Variants in RPL34 observed in about 807,000 individuals in gnomAD.
The protein encoded by RPL34 is ribosomal protein L34.
Under a neutral mutation model 16.3 loss-of-function variants are expected in RPL34, and 2 were observed. That is an observed-to-expected ratio of 0.12 (90% CI 0.05 to 0.39). The LOEUF is 0.39. RPL34 is among the 10% of genes least tolerant of loss of function. The probability of loss-of-function intolerance (pLI) is 0.99; values close to 1 mark genes in which losing one functional copy is unlikely to be tolerated. For missense variants in RPL34, 82 were observed against 148.8 expected, an observed-to-expected ratio of 0.55 and a Z score of 2.33; for synonymous variants, 47 against 48.5, an observed-to-expected ratio of 0.97 and a Z score of 0.13.
chr4:108,626,447 C>CTTTTT (rs34343318), downstream of RPL34, among the ~76,000 whole-genome samples: 9 of 117,070 alleles, frequency 7.7e-5, no homozygotes, highest in East Asian at 2.7e-4. Context: ...GGCTGACAAC[C>CTTTTT]TTTTTTTTTT....
chr4:108,626,716 G>A (rs1726014675), downstream of RPL34, among the ~76,000 whole-genome samples: 1 of 152,076 alleles, frequency 6.6e-6, no homozygotes, highest in African/African-American at 2.4e-5. Context: ...TGAGATTACA[G>A]GCGTGAGCCC....
chr4:108,622,463 A>G, intron 3 of RPL34, 52 bp from the exon 4 acceptor site: 2 of 1,377,866 alleles, frequency 1.5e-6, no homozygotes, highest in Admixed American at 1.7e-5. Flanking sequence ...AACAAAATTT[A>G]GGGAAATTTC....
intron 1 of RPL34, 186 bp from the exon 2 acceptor site, chr4:108,621,762 ATTC>A: frequency 3.7e-6 from 2 of 533,716 alleles, no homozygotes; most frequent in South Asian, 4.3e-5. Flanking sequence ...GAAAGCTAAC[ATTC>A]TTGGCCTCTT....
In RPL34 at chr4:108,622,135, C is replaced by T; in HGVS notation, c.96C>T (p.Tyr32=). 1.2e-6 allele frequency: 2 copies of T among 1,613,912 alleles called. No individual in the cohort carries two copies. The highest frequency in any genetic ancestry group is 1.6e-4 in the Middle Eastern group (1 of 6,062). The part of the protein sequence containing the change: ...LSRTPGNRIV[Y]LYTKKVGKAP... ...GAACCCCTGGTAATAGAATTGTTTA[C>T]CTTTATACCAAGAAGGTTGGGAAAG... is the stretch of plus-strand genomic sequence containing the variant. Residue 32 remains tyrosine, a synonymous_variant, in exon 3 of 5, where the codon TAC becomes TAT. Coordinates refer to ENST00000394667, the MANE Select transcript of RPL34 (RefSeq NM_001319236.2).
At chr4:108,623,658 G>T (rs1356385925) in intron 4 of RPL34, among the ~76,000 whole-genome samples, 1 of 152,068 alleles carries the variant, frequency 6.6e-6, no homozygotes, top group African/African-American at 2.4e-5. Flanking sequence ...TGTCAGCCTC[G>T]ACCTCCCAAA....
At chr4:108,630,448 G>C (rs541121617), downstream of RPL34, 1 of 152,132 alleles carries the variant, frequency 6.6e-6, no homozygotes, top group African/African-American at 2.4e-5. Context: ...CTGTATGAAT[G>C]GAAGGGAAAA....
chr4:108,624,921 A>G (rs935567778), intron 4 of RPL34, among the ~76,000 whole-genome samples: 6 of 152,178 alleles, frequency 3.9e-5, no homozygotes, highest in Admixed American at 1.3e-4. Context: ...CAGAAGGAGG[A>G]CAGATAACTA....
chr4:108,629,180 T>G (rs996952362), downstream of RPL34, among the ~76,000 whole-genome samples: 1 of 152,192 alleles, frequency 6.6e-6, no homozygotes, highest in African/African-American at 2.4e-5. Context: ...ATGAATAAAA[T>G]AGACATTTTA....
chr4:108,624,831 A>G (rs543378634), intron 4 of RPL34, among the ~76,000 whole-genome samples: 1 of 152,304 alleles, frequency 6.6e-6, no homozygotes, highest in East Asian at 1.9e-4. Flanking sequence ...AAGAAATACC[A>G]CTATTCCTGG....
At position 108,622,022 on chromosome 4, in the gene RPL34, G is replaced by A; in HGVS notation, c.63G>A (p.Arg21=). The A allele has an allele frequency of 6.2e-7, 1 of 1,611,980 alleles. No homozygotes were observed. Among genetic ancestry groups the A allele is most frequent in the African/African-American group, 1.3e-5 (1 of 74,972 alleles). Residue 21 remains arginine (R), a splice_region_variant and synonymous_variant, in exon 2 of 5, where the codon AGG becomes AGA. Transcript: ENST00000394667. ...LSYNTASNKT[R]LSRTPGNRIV... ...ACAATACAGCCTCTAACAAAACTAG[G>A]CTGTAAGTATTTCTGAAAATTTTAA...
At chr4:108,625,801 C>T (rs1048163129), downstream of RPL34, among the ~76,000 whole-genome samples, 3 of 152,148 alleles carry the variant, frequency 2.0e-5, no homozygotes, top group African/African-American at 4.8e-5. Context: ...GCTGAGACTT[C>T]AGGGTGGTTT....
At chr4:108,622,066 TC>T (rs774656470) in intron 2 of RPL34, 38 bp from the exon 3 acceptor site, 23 of 1,594,556 alleles carry the variant, frequency 1.4e-5, no homozygotes, top group Non-Finnish European at 2.0e-5. Context: ...TGTCATTTAC[TC>T]TACAAAATGC....
downstream of RPL34, among the ~76,000 whole-genome samples, chr4:108,629,545 G>A (rs1238591704): frequency 6.6e-6 from 1 of 151,960 alleles, no homozygotes; most frequent in African/African-American, 2.4e-5. Flanking sequence ...AACTCTTCTG[G>A]GTTTTGATTT....
chr4:108,630,139 A>C (rs1726127670), downstream of RPL34: 1 of 152,114 alleles, frequency 6.6e-6, no homozygotes, highest in African/African-American at 2.4e-5. Flanking sequence ...TGAGATTGTT[A>C]TGGTGAGAGT....
At chr4:108,628,390 G>A (rs1726082416), downstream of RPL34, among the ~76,000 whole-genome samples, 1 of 152,082 alleles carries the variant, frequency 6.6e-6, no homozygotes, top group Non-Finnish European at 1.5e-5. Flanking sequence ...CTAAAAATTG[G>A]CACTTTTAAT....
At position 108,622,604 on chromosome 4, in the gene RPL34, A is replaced by G. The variant is rs1247579371; in HGVS notation, c.255A>G (p.Lys85=). ...SRAYGGSMCA[K]CVRDRIKRAF... The stretch of plus-strand genomic sequence containing the variant: ...CCTATGGTGGTTCCATGTGTGCTAA[A>G]TGTGTTCGTGACAGGTAAGTTAAAT... The change falls in exon 4 of 5, where the codon AAA becomes AAG. Residue 85 remains lysine (K), a synonymous_variant. Coordinates refer to ENST00000394667, the MANE Select transcript of RPL34 (RefSeq NM_001319236.2). The G allele has an allele frequency of 3.1e-6, 5 of 1,594,986 alleles. No homozygotes were observed. Among genetic ancestry groups the G allele is most frequent in the African/African-American group, 1.4e-5 (1 of 73,592 alleles).
At chr4:108,627,852 T>G (rs536781511), downstream of RPL34, among the ~76,000 whole-genome samples, 2 of 147,174 alleles carry the variant, frequency 1.4e-5, no homozygotes, top group Non-Finnish European at 1.5e-5. Context: ...ACAGTGAGAC[T>G]CCTCAAAAAA....
Position 108,625,298 on chromosome 4 carries a change from A to G in RPL34, c.*86A>G. On this transcript the variant is annotated 3_prime_UTR_variant, in exon 5 of 5. Transcript: ENST00000394667. ...TTTCTGTTGTAATGTGTTAGTATAC[A>G]GATTTTGTTTCTGTATGGTATTTGG... The G allele has an allele frequency of 1.4e-6, 1 of 740,624 alleles. No homozygotes were observed. The highest frequency in any genetic ancestry group is 2.3e-6 in the Non-Finnish European group (1 of 437,396). 45.9% of individuals were successfully genotyped at this position (740,624 alleles called of 1,614,324 possible). A position where few individuals can be genotyped will look rare whatever the true frequency, so the allele number is the denominator to read the frequency against.
chr4:108,629,507 C>G (rs541429230), downstream of RPL34, among the ~76,000 whole-genome samples: 15 of 152,204 alleles, frequency 9.9e-5, no homozygotes, highest in African/African-American at 3.6e-4. Context: ...AGTAACGACT[C>G]TGTCCAAGTG....
Sources: gnomAD v4.1 joint callset for allele counts (sites outside exome capture counted in the v4.1 genomes callset) on GRCh38, gnomAD v4.1.1 for gene constraint, MANE v1.5 for transcripts, NCBI Gene and HGNC (gene_info 2026-07-23, HGNC 2026-07-21) for gene names.